CNOT1: variants seen among roughly 807,000 people sequenced by gnomAD.
CNOT1 encodes CCR4-NOT transcription complex subunit 1.
A neutral mutation model predicts 273.8 loss-of-function variants in CNOT1; 15 were observed. That is an observed-to-expected ratio of 0.05 (90% confidence interval 0.04 to 0.08). CNOT1 has a LOEUF of 0.08. CNOT1 is among the 10% of genes least tolerant of loss of function. CNOT1 has a pLI of 1.00. For missense variants in CNOT1, 1,644 were observed against 2,912.2 expected, an observed-to-expected ratio of 0.56 and a Z score of 10.02; for synonymous variants, 1,022 against 1,005.5, an observed-to-expected ratio of 1.02 and a Z score of -0.31.
intron 40 of CNOT1, chr16:58,533,171 A>C (rs909305658): frequency 1.3e-5 from 2 of 152,280 alleles, no homozygotes. Context: ...TATTATTTAC[A>C]AATTTAATTT....
chr16:58,531,493 C>T (rs2039776896), intron 42 of CNOT1, among the ~76,000 whole-genome samples: 1 of 143,052 alleles, frequency 7.0e-6, no homozygotes, highest in South Asian at 2.3e-4. Flanking sequence ...TGAGAGCCTT[C>T]CGCATTTAAA....
chr16:58,585,190 C>T, intron 8 of CNOT1, 148 bp downstream of exon 8: 1 of 1,121,392 alleles, frequency 8.9e-7, no homozygotes, highest in Non-Finnish European at 1.3e-6. Flanking sequence ...CTGTCACACA[C>T]ACTAGTTCGT....
At chr16:58,622,356 G>A (rs1209798171) in intron 1 of CNOT1, among the ~76,000 whole-genome samples, 1 of 69,244 alleles carries the variant, frequency 1.4e-5, no homozygotes, top group Non-Finnish European at 2.9e-5. Context: ...GGGGGCGGGC[G>A]TGGACAATGG....
intron 16 of CNOT1, among the ~76,000 whole-genome samples, chr16:58,571,359 C>T (rs1385750458): frequency 6.6e-6 from 1 of 151,862 alleles, no homozygotes; most frequent in Non-Finnish European, 1.5e-5. Flanking sequence ...AGTTCAAGGC[C>T]AGCCTGGGGA....
chr16:58,629,357 G>T lies in CNOT1; in HGVS notation c.-175+371C>A, dbSNP rs542061565. On this transcript the variant is annotated intron_variant, in intron 1 of 48. Transcript: ENST00000317147. ...AACAGTAGTTAAGGAGGTCGTGGAGGTCTCAGAGGGGTGCAACCCGCGCGA... is the reference window on the plus strand; with the variant it reads ...AACAGTAGTTAAGGAGGTCGTGGAGTTCTCAGAGGGGTGCAACCCGCGCGA... 2.6e-5 allele frequency among the ~76,000 whole-genome samples: 4 copies of T among 152,280 alleles called. No homozygotes were observed. The South Asian group carries it at 8.3e-4, about 32-fold the overall frequency.
intron 1 of CNOT1, among the ~76,000 whole-genome samples, chr16:58,625,684 C>CAA (rs374135053): frequency 1.7e-4 from 24 of 142,356 alleles, no homozygotes; most frequent in African/African-American, 6.2e-4. Flanking sequence ...AACTCTCTCT[C>CAA]AAAAAAAAAA....
intron 16 of CNOT1, among the ~76,000 whole-genome samples, chr16:58,564,216 G>A (rs1329573167): frequency 6.6e-6 from 1 of 152,104 alleles, no homozygotes; most frequent in Non-Finnish European, 1.5e-5. Context: ...AGGAGAAAAG[G>A]AGAACAAGGT....
rs34556623 is a variant in CNOT1, at chr16:58,626,406, CAAAAAAAAAAA to C, written c.-175+3311_-175+3321del. Reference sequence around the variant, plus strand: ...TGGGCAACAGAGCGAGACTGCGTCTCAAAAAAAAAAAAAAAAAAAAAAAAAGATATACCAAG... The same window carrying C: ...TGGGCAACAGAGCGAGACTGCGTCTCAAAAAAAAAAAAAAGATATACCAAG... On this transcript the variant is annotated intron_variant, in intron 1 of 48. Coordinates refer to ENST00000317147, the MANE Select transcript of CNOT1 (RefSeq NM_016284.5). Among the ~76,000 whole-genome samples, 7 of 60,960 alleles carry C rather than the reference CAAAAAAAAAAA, an allele frequency of 1.1e-4. No individual in the cohort carries two copies. The East Asian group carries it at 3.2e-3, about 27-fold the overall frequency. 40.0% of individuals were successfully genotyped at this position (60,960 alleles called of 152,430 possible).
intron 27 of CNOT1, 86 bp from the exon 28 acceptor site, chr16:58,546,835 G>A (rs774825208): frequency 2.0e-6 from 3 of 1,503,018 alleles, no homozygotes; most frequent in East Asian, 2.3e-5. Context: ...ACATAAGGGG[G>A]TAGGGGGGAG....
chr16:58,526,477 A>T (rs1395131372), intron 44 of CNOT1, among the ~76,000 whole-genome samples: 2 of 146,060 alleles, frequency 1.4e-5, no homozygotes, highest in Non-Finnish European at 3.0e-5. Context: ...TTTGAAAAGA[A>T]GCCCCAGCAA....
At chr16:58,561,013 A>C (rs2040819894) in intron 16 of CNOT1, among the ~76,000 whole-genome samples, 1 of 152,070 alleles carries the variant, frequency 6.6e-6, no homozygotes. Context: ...TGACAGAGTA[A>C]GACTCCGTCT....
At chr16:58,621,305 C>T (rs2043303676) in intron 1 of CNOT1, among the ~76,000 whole-genome samples, 1 of 151,844 alleles carries the variant, frequency 6.6e-6, no homozygotes, top group Admixed American at 6.6e-5. Context: ...CAGAGTTTTG[C>T]TCTTGTTGCC....
chr16:58,627,864 G>A (rs1465435662), intron 1 of CNOT1, among the ~76,000 whole-genome samples: 1 of 152,008 alleles, frequency 6.6e-6, no homozygotes, highest in Non-Finnish European at 1.5e-5. Flanking sequence ...GAGTCTCCCC[G>A]TCCCCCAGGC....
chr16:58,583,562 T>C (rs1283639994), intron 8 of CNOT1, among the ~76,000 whole-genome samples: 2 of 151,956 alleles, frequency 1.3e-5, no homozygotes, highest in African/African-American at 4.8e-5. Context: ...CAGCAGGAGG[T>C]GAGCAAGTAT....
intron 1 of CNOT1, among the ~76,000 whole-genome samples, chr16:58,622,078 C>T (rs959103128): frequency 6.6e-5 from 10 of 150,408 alleles, no homozygotes; most frequent in Admixed American, 1.3e-4. Flanking sequence ...TTTGGGAGGC[C>T]GAGGCGGGTG....
chr16:58,578,772 G>A lies in CNOT1; in HGVS notation c.1511C>T (p.Ser504Phe). The A allele has an allele frequency of 6.2e-7, 1 of 1,614,108 alleles. No homozygotes were observed. Among genetic ancestry groups the A allele is most frequent in the Non-Finnish European group, 8.5e-7 (1 of 1,180,016 alleles). ...SWHTLRHELI[S>F]TLMPIFLGNH... ...TCCAAGGAAAATTGGCATCAGAGTGGAGATAAGTTCATGGCGCAAGGTATG... is the reference window on the plus strand; with the variant it reads ...TCCAAGGAAAATTGGCATCAGAGTGAAGATAAGTTCATGGCGCAAGGTATG... The change falls in exon 13 of 49, where the codon TCC becomes TTC. Residue 504 changes from serine (S) to phenylalanine (F), a missense_variant. Coordinates refer to ENST00000317147, the MANE Select transcript of CNOT1 (RefSeq NM_016284.5).
At chr16:58,568,261 G>C (rs754531456) in intron 16 of CNOT1, among the ~76,000 whole-genome samples, 20 of 152,034 alleles carry the variant, frequency 1.3e-4, no homozygotes, top group Non-Finnish European at 1.9e-4. Context: ...CTAGCTACTC[G>C]GGAGGCTGAG....
At chr16:58,620,502 G>T (rs76721365) in intron 1 of CNOT1, among the ~76,000 whole-genome samples, 1 of 151,910 alleles carries the variant, frequency 6.6e-6, no homozygotes, top group Non-Finnish European at 1.5e-5. Context: ...TTAGCCGGGC[G>T]TGGTGTGGCA....
chr16:58,603,879 C>T (rs1311850426), intron 1 of CNOT1, among the ~76,000 whole-genome samples: 1 of 152,170 alleles, frequency 6.6e-6, no homozygotes, highest in East Asian at 1.9e-4. Context: ...ACATATCATA[C>T]TTATATTTTT....
Sources: gnomAD v4.1 joint callset for allele counts (sites outside exome capture counted in the v4.1 genomes callset) on GRCh38, gnomAD v4.1.1 for gene constraint, MANE v1.5 for transcripts, NCBI Gene and HGNC (gene_info 2026-07-23, HGNC 2026-07-21) for gene names.